Variants in CARMIL1 observed in about 807,000 individuals in gnomAD.
The protein encoded by CARMIL1 is capping protein regulator and myosin 1 linker 1.
Under a neutral mutation model 177.1 loss-of-function variants are expected in CARMIL1, and 90 were observed. The observed-to-expected ratio is 0.51, with a 90% confidence interval of 0.43 to 0.61. The LOEUF is 0.61. Among genes scored for constraint, CARMIL1 ranks in the 20% least tolerant of loss-of-function variants. The pLI is 0.00. For missense variants in CARMIL1, 1,380 were observed against 1,667.0 expected (o/e 0.83, Z 3.00); for synonymous variants, 577 against 606.2 (o/e 0.95, Z 0.71).
intron 31 of CARMIL1, among the ~76,000 whole-genome samples, chr6:25,592,685 G>A (rs1814436118): frequency 6.6e-6 from 1 of 152,162 alleles, no homozygotes; most frequent in African/African-American, 2.4e-5. Flanking sequence ...TGTTCAAGGG[G>A]TTTTTTCTTT....
chr6:25,385,293 G>C (rs1307961518), intron 2 of CARMIL1, among the ~76,000 whole-genome samples: 1 of 152,218 alleles, frequency 6.6e-6, no homozygotes, highest in African/African-American at 2.4e-5. Flanking sequence ...CTCTGTGACA[G>C]AGTTTGAACT....
chr6:25,565,676 C>T (rs1239872958), intron 29 of CARMIL1, among the ~76,000 whole-genome samples: 3 of 152,034 alleles, frequency 2.0e-5, no homozygotes, highest in Admixed American at 1.3e-4. Flanking sequence ...GAAATCCTGT[C>T]TCTACTAAAA....
intron 20 of CARMIL1, among the ~76,000 whole-genome samples, chr6:25,514,442 T>G (rs301386): frequency 0.44 from 65,840 of 150,586 alleles, 14,689 homozygotes; most frequent in Middle Eastern, 0.52. Flanking sequence ...AGCTACTCGG[T>G]AGGCTGAGGC....
At chr6:25,318,299 A>G (rs1280501246) in intron 2 of CARMIL1, among the ~76,000 whole-genome samples, 1 of 152,184 alleles carries the variant, frequency 6.6e-6, no homozygotes, top group East Asian at 1.9e-4. Flanking sequence ...AAGGTCGGGA[A>G]GGGAAAGACT....
At chr6:25,459,282 A>T (rs79834191) in intron 8 of CARMIL1, among the ~76,000 whole-genome samples, 2 of 18,254 alleles carry the variant, frequency 1.1e-4, no homozygotes, top group Non-Finnish European at 2.5e-4. Context: ...TTTTTTTTTA[A>T]GACAGGGTCT....
At chr6:25,460,962 G>A (rs1327223772) in intron 8 of CARMIL1, among the ~76,000 whole-genome samples, 1 of 151,594 alleles carries the variant, frequency 6.6e-6, no homozygotes, top group South Asian at 2.1e-4. Flanking sequence ...TTCAATCACC[G>A]TTCCCTCCTT....
intron 2 of CARMIL1, among the ~76,000 whole-genome samples, chr6:25,332,937 G>A (rs1438030983): frequency 6.6e-6 from 1 of 152,152 alleles, no homozygotes; most frequent in East Asian, 1.9e-4. Context: ...TCCAGGGGGT[G>A]GACATATGAC....
At chr6:25,573,293 T>C (rs919314726) in intron 29 of CARMIL1, among the ~76,000 whole-genome samples, 7 of 152,188 alleles carry the variant, frequency 4.6e-5, no homozygotes, top group Admixed American at 3.9e-4. Flanking sequence ...GTCTATTACA[T>C]GAAAACCATT....
intron 8 of CARMIL1, among the ~76,000 whole-genome samples, chr6:25,457,377 C>T (rs1055234467): frequency 6.6e-6 from 1 of 152,122 alleles, no homozygotes; most frequent in Admixed American, 6.5e-5. Flanking sequence ...AGAGACCACT[C>T]ATTTAGGCCT....
intron 10 of CARMIL1, 45 bp from the exon 11 acceptor site, chr6:25,472,382 G>A (rs1295888400): frequency 7.6e-7 from 1 of 1,312,374 alleles, no homozygotes; most frequent in Admixed American, 2.0e-5. Flanking sequence ...CGTTCGAATG[G>A]TTTTACATTT....
chr6:25,563,386 A>G (rs1189484544), intron 29 of CARMIL1: 4 of 985,172 alleles, frequency 4.1e-6, no homozygotes, highest in Non-Finnish European at 4.8e-6. Context: ...CAATGTTTTT[A>G]AATACTAAGG....
Position 25,598,746 on chromosome 6 carries a change from T to TG in CARMIL1, c.3120-1563dup, listed in dbSNP as rs761502174. On this transcript the variant is annotated intron_variant, in intron 32 of 36. Coordinates refer to ENST00000329474, the MANE Select transcript of CARMIL1 (RefSeq NM_017640.6). The stretch of plus-strand genomic sequence containing the variant: ...TTTTCTCTTCCGTGTTGAAAAGGAA[T>TG]GGGGGCACCGAAGAGCTTCTTGGAA... 1.7e-4 allele frequency among the ~76,000 whole-genome samples: 26 copies of TG among 152,280 alleles called. No individual in the cohort carries two copies. In the South Asian group the frequency reaches 3.7e-3, roughly 22 times the overall value.
chr6:25,325,923 G>A (rs1468703438), intron 2 of CARMIL1, among the ~76,000 whole-genome samples: 1 of 152,012 alleles, frequency 6.6e-6, no homozygotes, highest in African/African-American at 2.4e-5. Context: ...AGGCTTTAGT[G>A]CAGTGGCGCA....
chr6:25,390,824 G>C lies in CARMIL1; in HGVS notation c.139-29290G>C, dbSNP rs576607929. ...TCCTGCCTCAGCCTTCCCAGTAGCT[G>C]GGATTACAGGCGTGAACACCACCAC... is the stretch of plus-strand genomic sequence containing the variant. On this transcript the variant is annotated intron_variant, in intron 2 of 36. Transcript: ENST00000329474. Among the ~76,000 whole-genome samples, 4 of 152,250 alleles carry C rather than the reference G, an allele frequency of 2.6e-5. No individual in the cohort carries two copies. In the East Asian group the frequency reaches 7.7e-4, roughly 29 times the overall value.
intron 16 of CARMIL1, among the ~76,000 whole-genome samples, chr6:25,496,071 T>C (rs1455392254): frequency 6.6e-6 from 1 of 152,234 alleles, no homozygotes; most frequent in Non-Finnish European, 1.5e-5. Context: ...ACTAGAAAAT[T>C]AAGCTTCATT....
chr6:25,463,860 T>C (rs9461175), intron 8 of CARMIL1, among the ~76,000 whole-genome samples: 13,525 of 139,174 alleles, frequency 0.097, 779 homozygotes, highest in East Asian at 0.19. Flanking sequence ...TCTCGCTCTG[T>C]CGCCCAGGCT....
chr6:25,600,461 A>G lies in CARMIL1; in HGVS notation c.3267A>G (p.Thr1089=). ...KSERPPTILM[T]EEPSSPKGAV... ...AGCGACCACCAACGATCTTGATGAC[A>G]GAAGAACCCTCCTCACCAAAAGGGG... The change falls in exon 33 of 37, where the codon ACA becomes ACG. Residue 1089 remains threonine (T), a synonymous_variant. Coordinates refer to ENST00000329474, the MANE Select transcript of CARMIL1 (RefSeq NM_017640.6). 1.9e-6 allele frequency: 3 copies of G among 1,614,088 alleles called. No individual in the cohort carries two copies. Among genetic ancestry groups the G allele is most frequent in the Non-Finnish European group, 2.5e-6 (3 of 1,179,910 alleles).
At chr6:25,302,370 T>G (rs1350986169) in intron 2 of CARMIL1, among the ~76,000 whole-genome samples, 1 of 152,196 alleles carries the variant, frequency 6.6e-6, no homozygotes, top group Non-Finnish European at 1.5e-5. Flanking sequence ...GGGAATGTGG[T>G]CCAGTGCTTG....
chr6:25,479,312 A>C, intron 11 of CARMIL1: 1 of 472,420 alleles, frequency 2.1e-6, no homozygotes, highest in Non-Finnish European at 4.2e-6. Context: ...CTTTGTGGAG[A>C]GATTTTTTAA....
Sources: gnomAD v4.1 joint callset for allele counts (sites outside exome capture counted in the v4.1 genomes callset) on GRCh38, gnomAD v4.1.1 for gene constraint, MANE v1.5 for transcripts, NCBI Gene and HGNC (gene_info 2026-07-23, HGNC 2026-07-21) for gene names.